Variants in SLC24A3 observed in about 807,000 individuals in gnomAD.
SLC24A3 encodes sodium/potassium/calcium exchanger 3.
In SLC24A3, 28 loss-of-function variants were observed where a neutral mutation model predicts 75.8. The observed-to-expected ratio is 0.37, with a 90% CI of 0.27 to 0.51. The LOEUF is 0.51. Among genes scored for constraint, SLC24A3 ranks in the 20% least tolerant of loss-of-function variants. SLC24A3 has a pLI of 0.94. For missense variants in SLC24A3, 663 were observed against 847.8 expected (o/e 0.78, Z 2.71); for synonymous variants, 372 against 334.1 (o/e 1.11, Z -1.24).
chr20:19,590,107 T>C (rs1396274474), intron 6 of SLC24A3, among the ~76,000 whole-genome samples: 1 of 151,734 alleles, frequency 6.6e-6, no homozygotes, highest in Non-Finnish European at 1.5e-5. Flanking sequence ...ATGGAAGTAT[T>C]AGATAGGTGC....
chr20:19,434,979 A>T (rs955800096), intron 2 of SLC24A3, among the ~76,000 whole-genome samples: 3 of 152,228 alleles, frequency 2.0e-5, no homozygotes, highest in Non-Finnish European at 4.4e-5. Context: ...AAAAAATTCA[A>T]AAAAGGCTAT....
intron 2 of SLC24A3, among the ~76,000 whole-genome samples, chr20:19,324,389 A>G (rs966350282): frequency 7.9e-5 from 12 of 152,220 alleles, no homozygotes; most frequent in Admixed American, 7.9e-4. Context: ...CACAGATACT[A>G]TCGTGTCTAA....
intron 2 of SLC24A3, among the ~76,000 whole-genome samples, chr20:19,345,231 T>C (rs1458958466): frequency 2.0e-5 from 3 of 152,124 alleles, no homozygotes; most frequent in Non-Finnish European, 4.4e-5. Flanking sequence ...AAGACTGATA[T>C]GAAAAAACTG....
At chr20:19,513,940 A>G (rs1278788870) in intron 2 of SLC24A3, among the ~76,000 whole-genome samples, 1 of 152,142 alleles carries the variant, frequency 6.6e-6, no homozygotes, top group Admixed American at 6.5e-5. Context: ...ATTTAGATCC[A>G]TCCTCTTCGC....
chr20:19,637,870 T>C (rs2032019990), intron 6 of SLC24A3, among the ~76,000 whole-genome samples: 2 of 152,188 alleles, frequency 1.3e-5, no homozygotes, highest in African/African-American at 4.8e-5. Flanking sequence ...GCTTCAAAGA[T>C]AGTAGTCCTA....
chr20:19,452,416 G>GTGTGTGTC (rs1987501820), intron 2 of SLC24A3, among the ~76,000 whole-genome samples: 1 of 140,752 alleles, frequency 7.1e-6, no homozygotes, highest in Admixed American at 6.8e-5. Flanking sequence ...GTGTGTGTGT[G>GTGTGTGTC]TGTGTGTGTT....
chr20:19,561,225 T>C (rs2030870400), intron 3 of SLC24A3, among the ~76,000 whole-genome samples: 1 of 152,238 alleles, frequency 6.6e-6, no homozygotes, highest in African/African-American at 2.4e-5. Context: ...GCTATGGCTC[T>C]GTCTTCTCCA....
chr20:19,240,186 G>C (rs957205044), intron 1 of SLC24A3, among the ~76,000 whole-genome samples: 1 of 152,044 alleles, frequency 6.6e-6, no homozygotes, highest in Non-Finnish European at 1.5e-5. Flanking sequence ...ACTGCCAGTG[G>C]GGCTTCAGGT....
intron 1 of SLC24A3, among the ~76,000 whole-genome samples, chr20:19,217,175 T>C (rs1254290700): frequency 2.0e-5 from 3 of 152,254 alleles, no homozygotes; most frequent in African/African-American, 7.2e-5. Context: ...AGTCACAGAA[T>C]GTCATTTTCG....
intron 3 of SLC24A3, among the ~76,000 whole-genome samples, chr20:19,564,234 G>C (rs1464622858): frequency 1.3e-5 from 2 of 152,170 alleles, no homozygotes; most frequent in Non-Finnish European, 2.9e-5. Flanking sequence ...AGGGAAGAAA[G>C]AATCTGATGA....
chr20:19,708,083 C>T (rs1355981779), intron 15 of SLC24A3, among the ~76,000 whole-genome samples: 1 of 152,076 alleles, frequency 6.6e-6, no homozygotes, highest in Non-Finnish European at 1.5e-5. Context: ...CAGGGAGAAT[C>T]AGAAGAAAGG....
At chr20:19,489,338 G>GT (rs1002723289) in intron 2 of SLC24A3, among the ~76,000 whole-genome samples, 11 of 152,100 alleles carry the variant, frequency 7.2e-5, no homozygotes, top group African/African-American at 2.4e-4. Context: ...AAGATCACAG[G>GT]TTTTAATGGC....
At chr20:19,596,798 G>T (rs1600296013) in intron 6 of SLC24A3, among the ~76,000 whole-genome samples, 1 of 152,158 alleles carries the variant, frequency 6.6e-6, no homozygotes, top group Non-Finnish European at 1.5e-5. Flanking sequence ...GACCCCTGGT[G>T]GCCATGCTTT....
intron 3 of SLC24A3, among the ~76,000 whole-genome samples, chr20:19,557,066 T>A (rs1332296204): frequency 2.0e-5 from 3 of 152,152 alleles, no homozygotes; most frequent in African/African-American, 7.2e-5. Flanking sequence ...AGGCTCAGGT[T>A]CCTGCAGGAT....
chr20:19,267,459 A>T (rs1983200369), intron 1 of SLC24A3, among the ~76,000 whole-genome samples: 3 of 152,218 alleles, frequency 2.0e-5, no homozygotes, highest in Non-Finnish European at 2.9e-5. Context: ...TTAATCTTGC[A>T]ACTTTTCAGA....
intron 3 of SLC24A3, among the ~76,000 whole-genome samples, chr20:19,529,311 A>G (rs1418075818): frequency 1.3e-5 from 2 of 152,102 alleles, no homozygotes; most frequent in East Asian, 3.9e-4. Context: ...TAGAAGACAA[A>G]ATTATTTCAT....
chr20:19,498,654 T>C (rs1238613067), intron 2 of SLC24A3, among the ~76,000 whole-genome samples: 1 of 152,188 alleles, frequency 6.6e-6, no homozygotes, highest in Non-Finnish European at 1.5e-5. Context: ...GCTATGGTTA[T>C]CAGTTCAGGT....
At chr20:19,443,429 G>T (rs79930871) in intron 2 of SLC24A3, among the ~76,000 whole-genome samples, 2,659 of 151,744 alleles carry the variant, frequency 0.018, 71 homozygotes, top group East Asian at 0.1. Flanking sequence ...TTGTTATTTG[G>T]TGCTAATATA....
At chr20:19,590,277 T>A (rs1244815427) in intron 6 of SLC24A3, among the ~76,000 whole-genome samples, 1 of 152,074 alleles carries the variant, frequency 6.6e-6, no homozygotes, top group Admixed American at 6.5e-5. Flanking sequence ...CCACCACAGA[T>A]GGAGGACTCA....
Sources: gnomAD v4.1 joint callset for allele counts (sites outside exome capture counted in the v4.1 genomes callset) on GRCh38, gnomAD v4.1.1 for gene constraint, MANE v1.5 for transcripts, NCBI Gene and HGNC (gene_info 2026-07-23, HGNC 2026-07-21) for gene names.